TNS1: variants seen among roughly 807,000 people sequenced by gnomAD.
TNS1 encodes the protein tensin-1.
In TNS1, 62 loss-of-function variants were observed where a neutral mutation model predicts 168.6. That is an observed-to-expected ratio of 0.37 (90% confidence interval 0.30 to 0.45). The LOEUF is 0.45. Among genes scored for constraint, TNS1 ranks in the 20% least tolerant of loss-of-function variants. TNS1 has a pLI of 1.00. For missense variants in TNS1, 2,240 were observed against 2,339.4 expected (o/e 0.96, Z 0.88); for synonymous variants, 934 against 933.2 (o/e 1.00, Z -0.02).
chr2:217,926,063 T>A (rs1289860153), intron 3 of TNS1, among the ~76,000 whole-genome samples: 1 of 152,118 alleles, frequency 6.6e-6, no homozygotes, highest in Non-Finnish European at 1.5e-5. Context: ...ATCTGACTGG[T>A]GTCCTTGTAA....
intron 2 of TNS1, among the ~76,000 whole-genome samples, chr2:217,989,797 C>T (rs926565667): frequency 4.6e-5 from 7 of 152,042 alleles, no homozygotes; most frequent in East Asian, 1.9e-4. Flanking sequence ...GCCACCCACA[C>T]GACTCCCACA....
intron 32 of TNS1, among the ~76,000 whole-genome samples, chr2:217,805,813 CATAT>C (rs1225772538): frequency 6.7e-6 from 1 of 148,846 alleles, no homozygotes; most frequent in African/African-American, 2.5e-5. Flanking sequence ...TGCATACATA[CATAT>C]ACAGACCACA....
At chr2:218,027,443 C>T (rs1958860316) in intron 1 of TNS1, among the ~76,000 whole-genome samples, 1 of 152,082 alleles carries the variant, frequency 6.6e-6, no homozygotes, top group South Asian at 2.1e-4. Flanking sequence ...CACCTCTGCA[C>T]CTGACTGAAA....
intron 7 of TNS1, among the ~76,000 whole-genome samples, chr2:217,898,952 C>T (rs994478229): frequency 1.3e-5 from 2 of 152,258 alleles, no homozygotes; most frequent in Non-Finnish European, 2.9e-5. Flanking sequence ...CTCCTAGTGT[C>T]TCGCTTCCCC....
At chr2:217,822,114 C>A (rs1466505524) in intron 22 of TNS1, among the ~76,000 whole-genome samples, 176 bp from the exon 23 acceptor site, 1 of 152,132 alleles carries the variant, frequency 6.6e-6, no homozygotes, top group African/African-American at 2.4e-5. Context: ...CCTGCAGTGA[C>A]CTTTCACCAG....
intron 1 of TNS1, among the ~76,000 whole-genome samples, chr2:218,020,313 G>T (rs1958796718): frequency 6.6e-6 from 1 of 152,026 alleles, no homozygotes; most frequent in Non-Finnish European, 1.5e-5. Flanking sequence ...CTTCAATTCA[G>T]CAAGGAAAGG....
intron 3 of TNS1, among the ~76,000 whole-genome samples, chr2:217,963,398 A>T (rs1957547056): frequency 6.6e-6 from 1 of 152,190 alleles, no homozygotes. Flanking sequence ...GTCACTGGCT[A>T]TCATGCACCG....
intron 1 of TNS1, among the ~76,000 whole-genome samples, chr2:218,016,732 T>G (rs1344040554): frequency 6.6e-6 from 1 of 151,656 alleles, no homozygotes; most frequent in African/African-American, 2.4e-5. Context: ...CAATCCAAAA[T>G]AGGAGAGGCA....
rs551053748 is a variant in TNS1, at chr2:217,871,944, T to C, written c.1429+8954A>G. The stretch of plus-strand genomic sequence containing the variant: ...AGATCAGGCCATACAGCCTAAAGCA[T>C]TTTGGGCTACAGATGAAGATCATAA... On this transcript the variant is annotated intron_variant, in intron 18 of 32. Transcript: ENST00000682258. Among the ~76,000 whole-genome samples the C allele has an allele frequency of 1.1e-3, 168 of 152,354 alleles. 7 individuals are homozygous for C. The South Asian group carries it at 0.034, about 30-fold the overall frequency.
At chr2:217,868,333 G>GC (rs1949469919) in intron 18 of TNS1, among the ~76,000 whole-genome samples, 1 of 152,196 alleles carries the variant, frequency 6.6e-6, no homozygotes, top group Non-Finnish European at 1.5e-5. Flanking sequence ...AAGGAGGCAG[G>GC]ACCCCTGAGC....
rs147556958 is a variant in TNS1 at position 217,882,776 on chromosome 2, G to A, written c.1247-365C>T. 1.9e-3 allele frequency among the ~76,000 whole-genome samples: 283 copies of A among 151,738 alleles called. 1 individual carries two copies. In the East Asian group the frequency reaches 0.042, roughly 22 times the overall value. ...TTTATTTATTTTGAGATGGAGTCTC[G>A]CTCTGTCGCCCAGCCTGGAGTGCAT... On this transcript the variant is annotated intron_variant, in intron 16 of 32. Coordinates refer to ENST00000682258, the MANE Select transcript of TNS1 (RefSeq NM_001387777.1).
intron 27 of TNS1, among the ~76,000 whole-genome samples, 174 bp from the exon 28 acceptor site, chr2:217,812,619 A>G (rs2125113339): frequency 6.6e-6 from 1 of 152,338 alleles, no homozygotes; most frequent in Middle Eastern, 3.4e-3. Context: ...TCCAACAGAG[A>G]AGATTCCCAA....
chr2:217,945,121 G>A (rs1259007896), intron 3 of TNS1, among the ~76,000 whole-genome samples: 3 of 152,092 alleles, frequency 2.0e-5, no homozygotes, highest in Non-Finnish European at 4.4e-5. Context: ...TGGCTCCACA[G>A]CCAAGCTCCA....
intron 4 of TNS1, among the ~76,000 whole-genome samples, chr2:217,908,628 G>A (rs922474986): frequency 1.3e-5 from 2 of 152,196 alleles, no homozygotes; most frequent in Non-Finnish European, 2.9e-5. Flanking sequence ...CATGGAGGAA[G>A]AGACTGGGCT....
intron 1 of TNS1, among the ~76,000 whole-genome samples, chr2:218,020,792 T>TC (rs1189224962): frequency 6.6e-6 from 1 of 151,944 alleles, no homozygotes; most frequent in Non-Finnish European, 1.5e-5. Context: ...AGACAGGAGT[T>TC]CCCCCAGTGA....
intron 18 of TNS1, chr2:217,879,540 GA>G (rs1950502766): frequency 2.6e-6 from 1 of 380,114 alleles, no homozygotes; most frequent in Admixed American, 3.5e-5. Flanking sequence ...GTTGGGAACT[GA>G]GGCAGGTGTG....
At chr2:217,898,671 C>T (rs1034187714) in intron 7 of TNS1, among the ~76,000 whole-genome samples, 1 of 152,248 alleles carries the variant, frequency 6.6e-6, no homozygotes, top group African/African-American at 2.4e-5. Flanking sequence ...TCCCTGATTT[C>T]TAAGGGCCCA....
At chr2:217,805,486 A>ACACACACCAC (rs1938449481) in intron 32 of TNS1, among the ~76,000 whole-genome samples, 4 of 35,386 alleles carry the variant, frequency 1.1e-4, no homozygotes, top group Admixed American at 3.5e-4. Context: ...CACACACACC[A>ACACACACCAC]CACACACACC....
chr2:218,008,199 T>C (rs1958676818), intron 1 of TNS1, among the ~76,000 whole-genome samples: 1 of 152,172 alleles, frequency 6.6e-6, no homozygotes, highest in Admixed American at 6.5e-5. Context: ...AATAAGATCC[T>C]TCCCAGAGCT....
Sources: allele counts gnomAD v4.1 joint callset (sites outside exome capture counted in the v4.1 genomes callset), GRCh38; gene constraint gnomAD v4.1.1; transcripts MANE v1.5; gene names NCBI Gene and HGNC (gene_info 2026-07-23, HGNC 2026-07-21).